Variants in SAMD12 observed in about 807,000 individuals in gnomAD.
SAMD12 encodes the protein sterile alpha motif domain-containing protein 12.
Under a neutral mutation model 15.0 loss-of-function variants are expected in SAMD12, and 9 were observed. The observed-to-expected ratio is 0.60, with a 90% CI of 0.36 to 1.05. SAMD12 has a LOEUF of 1.05. Ranked by LOEUF, SAMD12 falls within the 50% of genes least tolerant of loss-of-function variation. The pLI, the probability that SAMD12 is intolerant of heterozygous loss-of-function variation, is 0.01. For missense variants in SAMD12, 230 were observed against 234.2 expected (o/e 0.98, Z 0.12); for synonymous variants, 86 against 90.1 (o/e 0.96, Z 0.25).
intron 4 of SAMD12, among the ~76,000 whole-genome samples, chr8:118,351,784 C>T (rs1263229022): frequency 6.6e-6 from 1 of 152,148 alleles, no homozygotes; most frequent in East Asian, 1.9e-4. Flanking sequence ...AATCAACCTG[C>T]AGAGTGTGTC....
chr8:118,526,989 G>T (rs1825553900), intron 2 of SAMD12, among the ~76,000 whole-genome samples: 1 of 152,186 alleles, frequency 6.6e-6, no homozygotes, highest in African/African-American at 2.4e-5. Context: ...CTTTCAGAAT[G>T]CATCCTTCAC....
At chr8:118,242,545 C>T (rs1266653867) in intron 4 of SAMD12, among the ~76,000 whole-genome samples, 1 of 151,994 alleles carries the variant, frequency 6.6e-6, no homozygotes, top group African/African-American at 2.4e-5. Context: ...TTTTACTATG[C>T]TAAACTTATA....
chr8:118,401,576 A>C (rs1445479189), intron 3 of SAMD12, among the ~76,000 whole-genome samples: 1 of 143,768 alleles, frequency 7.0e-6, no homozygotes, highest in South Asian at 2.2e-4. Flanking sequence ...GGGTCTCACT[A>C]TGTTTCCCTG....
At chr8:118,270,561 A>AT (rs370606474) in intron 4 of SAMD12, among the ~76,000 whole-genome samples, 53 of 150,112 alleles carry the variant, frequency 3.5e-4, no homozygotes, top group African/African-American at 1.2e-3. Context: ...TCTCTTGTAA[A>AT]TGTTTATTTG....
At chr8:118,416,584 C>T (rs1203463990) in intron 3 of SAMD12, among the ~76,000 whole-genome samples, 4 of 152,152 alleles carry the variant, frequency 2.6e-5, no homozygotes, top group South Asian at 2.1e-4. Context: ...AATTGTCCTA[C>T]GTGAAAATCA....
In SAMD12 at chr8:118,217,384, T is replaced by C. The variant is rs112913193; in HGVS notation, c.434-19652A>G. ...AGTATCCCTACAAAACCTGTCTTGCTCATCAGCACATACCAAATGAATATC... is the reference window on the plus strand; with the variant it reads ...AGTATCCCTACAAAACCTGTCTTGCCCATCAGCACATACCAAATGAATATC... On this transcript the variant is annotated intron_variant, in intron 4 of 4. Transcript: ENST00000409003. Among the ~76,000 whole-genome samples the C allele has an allele frequency of 1.6e-3, 244 of 152,334 alleles. 2 individuals carry two copies. The highest frequency in any genetic ancestry group is 5.6e-3 in the African/African-American group (234 of 41,578).
intron 4 of SAMD12, among the ~76,000 whole-genome samples, chr8:118,218,811 C>T (rs1812021026): frequency 6.6e-6 from 1 of 152,084 alleles, no homozygotes; most frequent in Non-Finnish European, 1.5e-5. Flanking sequence ...TGTCAGCCCA[C>T]ACTTTGAATA....
At chr8:118,502,334 A>T (rs1040630163) in intron 2 of SAMD12, among the ~76,000 whole-genome samples, 1 of 152,212 alleles carries the variant, frequency 6.6e-6, no homozygotes, top group Non-Finnish European at 1.5e-5. Context: ...TTTGATGAAT[A>T]CGAAATTTGA....
chr8:118,404,079 C>A (rs1821001933), intron 3 of SAMD12, among the ~76,000 whole-genome samples: 1 of 152,160 alleles, frequency 6.6e-6, no homozygotes, highest in Non-Finnish European at 1.5e-5. Context: ...ACCTGCGGGG[C>A]ACAAGCAGTC....
intron 2 of SAMD12, among the ~76,000 whole-genome samples, chr8:118,553,758 G>A (rs1826426414): frequency 6.6e-6 from 1 of 151,190 alleles, no homozygotes; most frequent in South Asian, 2.1e-4. Flanking sequence ...CCACAAAATG[G>A]GAGAAACTTT....
chr8:118,519,079 G>A (rs1825321598), intron 2 of SAMD12, among the ~76,000 whole-genome samples: 2 of 152,180 alleles, frequency 1.3e-5, no homozygotes, highest in Admixed American at 6.5e-5. Context: ...GGGGACTGAG[G>A]AGCAGCCTGA....
chr8:118,456,071 A>C (rs1041660860), intron 2 of SAMD12, among the ~76,000 whole-genome samples: 6 of 152,196 alleles, frequency 3.9e-5, no homozygotes, highest in African/African-American at 1.4e-4. Context: ...TTTCCTTTGC[A>C]CTTATAATAA....
At chr8:118,156,992 A>T in the SAMD12 span, among the ~76,000 whole-genome samples, 1 of 152,212 alleles carries the variant, frequency 6.6e-6, no homozygotes, top group South Asian at 2.1e-4. Context: ...GACAGAGGAA[A>T]AACACAGGCA....
At chr8:118,253,747 C>T (rs892652501) in intron 4 of SAMD12, among the ~76,000 whole-genome samples, 7 of 152,018 alleles carry the variant, frequency 4.6e-5, no homozygotes, top group Non-Finnish European at 8.8e-5. Flanking sequence ...AGGTCAGGTC[C>T]CAGAAAAGGA....
Position 118,503,688 on chromosome 8 carries a change from C to T in SAMD12, c.193-63727G>A, listed in dbSNP as rs116299739. On this transcript the variant is annotated intron_variant, in intron 2 of 3. Transcript: ENST00000314727. ...CTGGAGTCAGGAGAAGGGATTACAA[C>T]TCTGCCTCCATCTCCCTCCTTGGGC... 5.5e-3 allele frequency among the ~76,000 whole-genome samples: 839 copies of T among 152,326 alleles called. 7 individuals carry two copies. The highest frequency in any genetic ancestry group is 0.019 in the African/African-American group (785 of 41,576).
intron 4 of SAMD12, among the ~76,000 whole-genome samples, chr8:118,275,260 C>A (rs1813445715): frequency 6.6e-6 from 1 of 152,022 alleles, no homozygotes; most frequent in South Asian, 2.1e-4. Context: ...GAACAATTTT[C>A]TAATTTTGTT....
intron 2 of SAMD12, among the ~76,000 whole-genome samples, chr8:118,501,606 T>C (rs926951789): frequency 3.3e-5 from 5 of 152,174 alleles, no homozygotes; most frequent in African/African-American, 9.7e-5. Flanking sequence ...TGACCACATA[T>C]GATGATGGGT....
intron 4 of SAMD12, among the ~76,000 whole-genome samples, chr8:118,290,841 T>C (rs186434219): frequency 1.3e-5 from 2 of 152,324 alleles, no homozygotes; most frequent in Non-Finnish European, 2.9e-5. Flanking sequence ...AATATATAAA[T>C]ATGAAAAATA....
the SAMD12 span, among the ~76,000 whole-genome samples, chr8:118,179,827 A>G: frequency 6.6e-6 from 1 of 152,234 alleles, no homozygotes; most frequent in South Asian, 2.1e-4. Flanking sequence ...TATAAAGCCT[A>G]GATTAATCTG....
Sources: allele counts gnomAD v4.1 joint callset (sites outside exome capture counted in the v4.1 genomes callset), GRCh38; gene constraint gnomAD v4.1.1; transcripts MANE v1.5; gene names NCBI Gene and HGNC (gene_info 2026-07-23, HGNC 2026-07-21).